Variants in STK35 observed in about 807,000 individuals in gnomAD.
STK35 encodes the protein serine/threonine kinase 35.
A neutral mutation model predicts 37.3 loss-of-function variants in STK35; 17 were observed. That is an observed-to-expected ratio of 0.46 (90% CI 0.31 to 0.68). STK35 has a LOEUF of 0.68. Among genes scored for constraint, STK35 ranks in the 30% least tolerant of loss-of-function variants. STK35 has a pLI of 0.05. For synonymous variants in STK35, 385 were observed against 319.1 expected (o/e 1.21, Z -2.20); for missense variants, 595 against 746.7 (o/e 0.80, Z 2.37).
chr20:2,111,459 G>A (rs1181832675), intron 2 of STK35, among the ~76,000 whole-genome samples: 1 of 152,142 alleles, frequency 6.6e-6, no homozygotes, highest in Non-Finnish European at 1.5e-5. Flanking sequence ...TACTTAAGGA[G>A]GCTGAGGTGG....
At chr20:2,134,840 G>A (rs1412246859) in intron 3 of STK35, among the ~76,000 whole-genome samples, 3 of 152,044 alleles carry the variant, frequency 2.0e-5, no homozygotes, top group Non-Finnish European at 4.4e-5. Context: ...GCAGTGAGCC[G>A]AGATTGTGTC....
intron 3 of STK35, among the ~76,000 whole-genome samples, chr20:2,122,669 T>G (rs1012889698): frequency 1.3e-5 from 2 of 152,180 alleles, no homozygotes; most frequent in Admixed American, 6.5e-5. Context: ...TTATTGAGGT[T>G]GTTGGGGGAA....
intron 3 of STK35, among the ~76,000 whole-genome samples, chr20:2,142,306 GTAAATTATCC>G (rs1351783093): frequency 1.1e-5 from 1 of 89,626 alleles, no homozygotes; most frequent in Non-Finnish European, 2.2e-5. Flanking sequence ...CCAACAGACA[GTAAATTATCC>G]AATATTGTCC....
intron 3 of STK35, among the ~76,000 whole-genome samples, chr20:2,142,358 GTCCCT>G (rs1264318105): frequency 6.6e-6 from 1 of 152,184 alleles, no homozygotes; most frequent in East Asian, 1.9e-4. Context: ...GACTGGCCAG[GTCCCT>G]TCCCAGGAGC....
intron 3 of STK35, among the ~76,000 whole-genome samples, chr20:2,142,783 G>A (rs1986192743): frequency 6.6e-6 from 1 of 152,126 alleles, no homozygotes; most frequent in South Asian, 2.1e-4. Flanking sequence ...GATTCCATGT[G>A]CAACGAGGCT....
chr20:2,142,097 A>G lies in STK35; in HGVS notation c.*38-1687A>G, dbSNP rs572169616. ...AGTGTGCGGGGCACCCTCACCAGCC[A>G]GAAACACTTTCAGTGGTTGCGTGGC... On this transcript the variant is annotated intron_variant, in intron 3 of 3. Transcript: ENST00000381482. Among the ~76,000 whole-genome samples, 4 of 152,328 alleles carry G rather than the reference A, an allele frequency of 2.6e-5. No homozygotes were observed. The South Asian group carries it at 8.3e-4, about 32-fold the overall frequency.
At position 2,147,284 on chromosome 20, in the gene STK35, C is replaced by T. The variant is rs6112998; in HGVS notation, c.*3538C>T. The T allele has an allele frequency of 0.33, 50,296 of 152,746 alleles. 9,863 individuals are homozygous for T. The highest frequency in any genetic ancestry group is 0.92 in the East Asian group (4,768 of 5,168). 9.5% of individuals were successfully genotyped at this position (152,746 alleles called of 1,614,324 possible). A position where few individuals can be genotyped will look rare whatever the true frequency, so the allele number is the denominator to read the frequency against. ...TCCTCGCCCTGCACATTCCCCACCT[C>T]CACATTCCCCTCCTCCAAGATCTCA... On this transcript the variant is annotated 3_prime_UTR_variant, in exon 4 of 4. Transcript: ENST00000381482.
chr20:2,134,520 A>G (rs929433149), intron 3 of STK35, among the ~76,000 whole-genome samples: 1 of 152,164 alleles, frequency 6.6e-6, no homozygotes, highest in Non-Finnish European at 1.5e-5. Context: ...TAAGGGGCCT[A>G]TAGAGGGCCT....
Sources: gnomAD v4.1 joint callset for allele counts (sites outside exome capture counted in the v4.1 genomes callset) on GRCh38, gnomAD v4.1.1 for gene constraint, MANE v1.5 for transcripts, NCBI Gene and HGNC (gene_info 2026-07-23, HGNC 2026-07-21) for gene names.